SPHKAP: variants seen among roughly 807,000 people sequenced by gnomAD.
SPHKAP encodes A-kinase anchor protein SPHKAP.
Under a neutral mutation model 137.5 loss-of-function variants are expected in SPHKAP, and 67 were observed. The observed-to-expected ratio is 0.49, with a 90% CI of 0.40 to 0.60. The LOEUF is 0.60. SPHKAP is among the 20% of genes least tolerant of loss of function. SPHKAP has a pLI of 0.00. For missense variants in SPHKAP, 2,097 were observed against 2,069.3 expected (o/e 1.01, Z -0.26); for synonymous variants, 813 against 785.3 (o/e 1.04, Z -0.59).
At chr2:228,130,138 C>T (rs13428727) in intron 2 of SPHKAP, among the ~76,000 whole-genome samples, 1 of 151,958 alleles carries the variant, frequency 6.6e-6, no homozygotes, top group African/African-American at 2.4e-5. Flanking sequence ...CCAAATAGCC[C>T]TTTCAGTTCA....
chr2:228,131,748 G>C (rs770971046), intron 2 of SPHKAP: 112 of 979,342 alleles, frequency 1.1e-4, no homozygotes, highest in Non-Finnish European at 1.3e-4. Flanking sequence ...AAAGTCTTGG[G>C]TTGAGATAGT....
At chr2:228,075,776 T>C (rs1481574323) in intron 3 of SPHKAP, among the ~76,000 whole-genome samples, 1 of 152,202 alleles carries the variant, frequency 6.6e-6, no homozygotes, top group Non-Finnish European at 1.5e-5. Flanking sequence ...AAGCAGCTAA[T>C]AGATGAAGGA....
At chr2:228,067,625 T>C (rs1309211660) in intron 3 of SPHKAP, among the ~76,000 whole-genome samples, 2 of 152,196 alleles carry the variant, frequency 1.3e-5, no homozygotes, top group South Asian at 2.1e-4. Context: ...TGAGCACTTA[T>C]GCATGTCTCT....
intron 1 of SPHKAP, among the ~76,000 whole-genome samples, chr2:228,154,481 A>ACTCTCTCTCTCTCTCTCTCTAT (rs1700035648): frequency 6.4e-5 from 3 of 47,190 alleles, no homozygotes; most frequent in African/African-American, 2.7e-4. Flanking sequence ...TTGTAAATAA[A>ACTCTCTCTCTCTCTCTCTCTAT]CTCTCTCTCT....
chr2:228,174,349 G>C (rs930929191), intron 1 of SPHKAP, among the ~76,000 whole-genome samples: 7 of 151,888 alleles, frequency 4.6e-5, no homozygotes, highest in Admixed American at 4.6e-4. Context: ...CAGAATTTGG[G>C]GTGAAAAATG....
intron 2 of SPHKAP, among the ~76,000 whole-genome samples, chr2:228,110,180 G>T (rs981108814): frequency 6.6e-6 from 1 of 151,734 alleles, no homozygotes; most frequent in Non-Finnish European, 1.5e-5. Context: ...ACAAAAGATT[G>T]TCTTCTCTTT....
chr2:227,982,463 G>T, intron 11 of SPHKAP: 1 of 647,584 alleles, frequency 1.5e-6, no homozygotes, highest in Non-Finnish European at 1.9e-6. Context: ...ATTGGTACCA[G>T]TTCTATTGGC....
intron 3 of SPHKAP, among the ~76,000 whole-genome samples, chr2:228,097,299 T>C (rs1025087958): frequency 6.6e-6 from 1 of 152,218 alleles, no homozygotes; most frequent in African/African-American, 2.4e-5. Context: ...TGAGAAATGG[T>C]ATAAAAACCC....
In SPHKAP at chr2:227,982,304, G is replaced by C. The variant is rs529874757; in HGVS notation, c.4960-444C>G. On this transcript the variant is annotated intron_variant, in intron 11 of 11. Transcript: ENST00000392056. ...CCAAATAAATCAAGTGGTAAACTTT[G>C]ATGCAGGACCACCTATTGATTCTTC... 16 of 985,306 alleles carry C rather than the reference G, an allele frequency of 1.6e-5. No homozygotes were observed. In the African/African-American group the frequency reaches 2.1e-4, roughly 13 times the overall value. The allele number at this position is 985,306 out of a possible 1,614,324, so 61.0% of individuals were successfully genotyped here. A position where few individuals can be genotyped will look rare whatever the true frequency, so the allele number is the denominator to read the frequency against.
intron 1 of SPHKAP, among the ~76,000 whole-genome samples, chr2:228,138,352 C>G (rs1361670762): frequency 6.6e-6 from 1 of 152,214 alleles, no homozygotes; most frequent in Non-Finnish European, 1.5e-5. Context: ...CTCACTCCTG[C>G]TGCAATAACT....
chr2:228,018,461 C>A lies in SPHKAP; in HGVS notation c.2393G>T (p.Gly798Val), dbSNP rs1296769345. The A allele has an allele frequency of 1.2e-6, 2 of 1,614,024 alleles. No individual in the cohort carries two copies. The highest frequency in any genetic ancestry group is 4.5e-5 in the East Asian group (2 of 44,892). ...CTTGAAGAGGCCTGGCCTCACTCCA[C>A]CCTTGTCTTGTTTTGAATACATGCC... is the stretch of plus-strand genomic sequence containing the variant. ...VDGMYSKQDK[G>V]GVRPGLFKNP... Residue 798 changes from glycine (G) to valine (V), a missense_variant, in exon 7 of 12, where the codon GGT becomes GTT. Transcript: ENST00000392056.
At chr2:228,077,457 A>G (rs1697221899) in intron 3 of SPHKAP, among the ~76,000 whole-genome samples, 1 of 152,234 alleles carries the variant, frequency 6.6e-6, no homozygotes, top group South Asian at 2.1e-4. Flanking sequence ...CTCTTGCATC[A>G]GTGTGACCTG....
chr2:228,124,282 C>T (rs1425573656), intron 2 of SPHKAP, among the ~76,000 whole-genome samples: 1 of 151,596 alleles, frequency 6.6e-6, no homozygotes, highest in Non-Finnish European at 1.5e-5. Flanking sequence ...GACACATGCA[C>T]ACATATGTTT....
chr2:228,066,711 A>G (rs1195442147), intron 3 of SPHKAP, among the ~76,000 whole-genome samples: 1 of 152,170 alleles, frequency 6.6e-6, no homozygotes, highest in Non-Finnish European at 1.5e-5. Context: ...TGCAGTTTCC[A>G]TGCAAAAGGG....
intron 2 of SPHKAP, among the ~76,000 whole-genome samples, chr2:228,117,452 C>T (rs1377456876): frequency 6.6e-6 from 1 of 152,028 alleles, no homozygotes; most frequent in African/African-American, 2.4e-5. Context: ...CTTTCTAGGG[C>T]ACTCAGTTAC....
chr2:228,106,851 GAC>G (rs2106345246), intron 3 of SPHKAP, among the ~76,000 whole-genome samples: 1 of 152,300 alleles, frequency 6.6e-6, no homozygotes, highest in East Asian at 1.9e-4. Context: ...GCAACTACAG[GAC>G]ACTTTTGAGA....
At chr2:228,086,383 G>A (rs2106320937) in intron 3 of SPHKAP, among the ~76,000 whole-genome samples, 1 of 152,188 alleles carries the variant, frequency 6.6e-6, no homozygotes, top group South Asian at 2.1e-4. Context: ...CTAAGAAGGT[G>A]GTGCTTTCTC....
chr2:228,073,226 G>T (rs1697058891), intron 3 of SPHKAP, among the ~76,000 whole-genome samples: 1 of 152,198 alleles, frequency 6.6e-6, no homozygotes, highest in Non-Finnish European at 1.5e-5. Context: ...TGTAAGGAGG[G>T]TGCTGGTCTG....
chr2:228,096,271 G>A (rs1252435702), intron 3 of SPHKAP, among the ~76,000 whole-genome samples: 1 of 152,104 alleles, frequency 6.6e-6, no homozygotes, highest in Non-Finnish European at 1.5e-5. Flanking sequence ...TTGGATACTT[G>A]GGTGCAATTA....
Sources: allele counts gnomAD v4.1 joint callset (sites outside exome capture counted in the v4.1 genomes callset), GRCh38; gene constraint gnomAD v4.1.1; transcripts MANE v1.5; gene names NCBI Gene and HGNC (gene_info 2026-07-23, HGNC 2026-07-21).